The following SDHC variants were observed in gnomAD, a reference collection of about 807,000 sequenced individuals.
The protein encoded by SDHC is succinate dehydrogenase complex subunit C.
A neutral mutation model predicts 22.6 loss-of-function variants in SDHC; 11 were observed. That is an observed-to-expected ratio of 0.49 (90% CI 0.31 to 0.81). The LOEUF (loss-of-function observed/expected upper bound fraction) is 0.81. Among genes scored for constraint, SDHC ranks in the 30% least tolerant of loss-of-function variants. The pLI, the probability that SDHC is intolerant of heterozygous loss-of-function variation, is 0.05. For synonymous variants in SDHC, 80 were observed against 77.8 expected, an observed-to-expected ratio of 1.03 and a Z score of -0.15; for missense variants, 160 against 212.0, an observed-to-expected ratio of 0.75 and a Z score of 1.52.
At chr1:161,317,550 GTTTTTTTTTTTT>G (rs34457815) in intron 1 of SDHC, among the ~76,000 whole-genome samples, 14 of 59,898 alleles carry the variant, frequency 2.3e-4, no homozygotes, top group African/African-American at 4.9e-4. Flanking sequence ...TGTGTGTGTG[GTTTTTTTTTTTT>G]TTTTTTTTTT....
At chr1:161,356,014 A>AT (rs1558182417) in intron 4 of SDHC, among the ~76,000 whole-genome samples, 1 of 150,146 alleles carries the variant, frequency 6.7e-6, no homozygotes, top group Non-Finnish European at 1.5e-5. Context: ...AGAGAACCTA[A>AT]TTTTTTTTCT....
intron 5 of SDHC, among the ~76,000 whole-genome samples, chr1:161,358,529 C>T (rs571976971): frequency 2.6e-5 from 4 of 151,886 alleles, no homozygotes; most frequent in African/African-American, 4.8e-5. Context: ...CCCAGCTACC[C>T]GTAAGGCTGA....
chr1:161,331,939 A>G (rs1203628372), intron 3 of SDHC, among the ~76,000 whole-genome samples: 2 of 151,998 alleles, frequency 1.3e-5, no homozygotes, highest in Non-Finnish European at 2.9e-5. Flanking sequence ...GAAGGCTGAG[A>G]ATTTCCCAAA....
chr1:161,362,301 C>CTTTTTTT (rs34744926), intron 5 of SDHC, 28 bp from the exon 6 acceptor site: 1 of 1,000,450 alleles, frequency 1.0e-6, no homozygotes. Context: ...ACTGAAATTC[C>CTTTTTTT]TTTTTTTTTT....
rs8266 is a variant in SDHC at position 161,362,818 on chromosome 1, G to C, written c.*385G>C. ...TCTGCCCTGGGGATGGGCCGGGTTG[G>C]GGGGTGGGTTGGTGAGGCTTTGGGT... On this transcript the variant is annotated 3_prime_UTR_variant, in exon 6 of 6. Transcript: ENST00000367975. 14 of 504,812 alleles carry C rather than the reference G, an allele frequency of 2.8e-5. No homozygotes were observed. The highest frequency in any genetic ancestry group is 6.3e-5 in the South Asian group (3 of 47,764). 31.3% of individuals were successfully genotyped at this position (504,812 alleles called of 1,614,324 possible).
At chr1:161,334,159 G>C (rs114115280) in intron 3 of SDHC, among the ~76,000 whole-genome samples, 1 of 152,246 alleles carries the variant, frequency 6.6e-6, no homozygotes, top group African/African-American at 2.4e-5. Context: ...CCATGTCCTT[G>C]CCTTTCCTAG....
intron 5 of SDHC, among the ~76,000 whole-genome samples, chr1:161,357,799 G>A (rs1672340480): frequency 6.6e-6 from 1 of 152,158 alleles, no homozygotes; most frequent in African/African-American, 2.4e-5. Flanking sequence ...TATGTGTCAG[G>A]TACTGTTGTA....
At chr1:161,317,210 A>G (rs905544159) in intron 1 of SDHC, among the ~76,000 whole-genome samples, 10 of 151,822 alleles carry the variant, frequency 6.6e-5, no homozygotes, top group African/African-American at 9.7e-5. Flanking sequence ...TTGTATTTTT[A>G]GTAGAGACGG....
intron 1 of SDHC, among the ~76,000 whole-genome samples, chr1:161,321,108 A>G (rs757600144): frequency 2.6e-5 from 4 of 152,160 alleles, no homozygotes; most frequent in Non-Finnish European, 4.4e-5. Context: ...TACAGGCGTG[A>G]GCCATCGCGC....
At chr1:161,331,492 G>C (rs1036689232) in intron 3 of SDHC, among the ~76,000 whole-genome samples, 1 of 152,038 alleles carries the variant, frequency 6.6e-6, no homozygotes, top group Non-Finnish European at 1.5e-5. Context: ...ATGTTGCCCA[G>C]GCTGGTCTCA....
chr1:161,351,559 C>T (rs1424513398), intron 4 of SDHC, among the ~76,000 whole-genome samples: 2 of 152,150 alleles, frequency 1.3e-5, no homozygotes, highest in Non-Finnish European at 2.9e-5. Flanking sequence ...TGTAGTTAAA[C>T]AAGTCCTTCT....
chr1:161,356,632 G>A (rs1246066247), intron 4 of SDHC, 45 bp from the exon 5 acceptor site: 2 of 1,603,782 alleles, frequency 1.2e-6, no homozygotes, highest in Non-Finnish European at 1.7e-6. Context: ...CATATTAGTT[G>A]TAACTTATGA....
rs372239937 is a variant in SDHC at position 161,340,559 on chromosome 1, C to T, written c.180-35C>T. The T allele has an allele frequency of 1.1e-4, 169 of 1,591,098 alleles. No homozygotes were observed. In the African/African-American group the frequency reaches 2.0e-3, roughly 19 times the overall value. ...ACTCTCTACTATGGTGTCATCTTTTCCTTTTTAAAATTGTCTTTGTGTGTT... is the reference window on the plus strand; with the variant it reads ...ACTCTCTACTATGGTGTCATCTTTTTCTTTTTAAAATTGTCTTTGTGTGTT... On this transcript the variant is annotated intron_variant, in intron 3 of 5. Transcript: ENST00000367975.
chr1:161,347,263 C>CT (rs1013069489), intron 4 of SDHC, among the ~76,000 whole-genome samples: 25 of 150,928 alleles, frequency 1.7e-4, no homozygotes, highest in East Asian at 7.8e-4. Flanking sequence ...TCTTTTTTTC[C>CT]TTTTTTTTTG....
intron 4 of SDHC, among the ~76,000 whole-genome samples, chr1:161,348,165 GT>G (rs994517363): frequency 6.6e-6 from 1 of 150,742 alleles, no homozygotes; most frequent in Non-Finnish European, 1.5e-5. Flanking sequence ...TTGTTTGTTT[GT>G]TTTTTTTTGA....
chr1:161,350,306 C>T (rs1672058796), intron 4 of SDHC, among the ~76,000 whole-genome samples: 1 of 152,234 alleles, frequency 6.6e-6, no homozygotes, highest in Admixed American at 6.5e-5. Flanking sequence ...CTACCTTGGC[C>T]TCCCAAAGTG....
intron 2 of SDHC, among the ~76,000 whole-genome samples, chr1:161,327,563 A>T (rs74884887): frequency 0.12 from 17,741 of 151,744 alleles, 1,391 homozygotes; most frequent in African/African-American, 0.22. Flanking sequence ...TTATTTATTT[A>T]TTTTATTTAT....
intron 3 of SDHC, among the ~76,000 whole-genome samples, chr1:161,330,419 A>C (rs764085980): frequency 2.6e-5 from 4 of 152,228 alleles, no homozygotes; most frequent in Non-Finnish European, 5.9e-5. Context: ...ATGGAAGGAA[A>C]AAAGGAGTCT....
chr1:161,314,732 A>C (rs1020218025), intron 1 of SDHC: 2 of 446,220 alleles, frequency 4.5e-6, no homozygotes, highest in African/African-American at 3.9e-5. Context: ...CCCAGAGCCG[A>C]GCTCTGAGAA....
Sources: gnomAD v4.1 joint callset for allele counts (sites outside exome capture counted in the v4.1 genomes callset) on GRCh38, gnomAD v4.1.1 for gene constraint, MANE v1.5 for transcripts, NCBI Gene and HGNC (gene_info 2026-07-23, HGNC 2026-07-21) for gene names.